TGFB2: variants seen among roughly 807,000 people sequenced by gnomAD.
TGFB2 encodes the protein transforming growth factor beta 2.
In TGFB2, 13 loss-of-function variants were observed where a neutral mutation model predicts 42.7. The ratio of observed to expected loss-of-function variants is 0.30; its 90% CI spans 0.20 to 0.48. TGFB2 has a LOEUF of 0.48. Among genes scored for constraint, TGFB2 ranks in the 20% least tolerant of loss-of-function variants. The pLI, the probability that TGFB2 is intolerant of heterozygous loss-of-function variation, is 0.99. For missense variants in TGFB2, 390 were observed against 517.5 expected, an observed-to-expected ratio of 0.75 and a Z score of 2.39; for synonymous variants, 193 against 193.6, an observed-to-expected ratio of 1.00 and a Z score of 0.03.
chr1:218,346,571 A>G lies in TGFB2; in HGVS notation c.-131A>G. 1.3e-6 allele frequency: 1 copy of G among 770,960 alleles called. No individual in the cohort carries two copies. The allele number at this position is 770,960 out of a possible 1,614,324, so 47.8% of individuals were successfully genotyped here. ...GTTGGGCATTGACTAGATTGTTTGC[A>G]AAAGTTTCGCATCAAAAACAACAAC... On this transcript the variant is annotated 5_prime_UTR_variant, in exon 1 of 7. Transcript: ENST00000366930. This position sits in a 1 kb window ranked among gnomAD's most constrained non-coding sequence, Gnocchi z 4.9.
chr1:218,404,421 C>A (rs1658838653), intron 1 of TGFB2, among the ~76,000 whole-genome samples: 1 of 152,154 alleles, frequency 6.6e-6, no homozygotes, highest in Non-Finnish European at 1.5e-5. Flanking sequence ...CCGTCCTTCC[C>A]AGAAGCTTTA....
intron 1 of TGFB2, among the ~76,000 whole-genome samples, chr1:218,366,188 C>G (rs545100556): frequency 2.0e-5 from 3 of 152,210 alleles, no homozygotes; most frequent in East Asian, 1.9e-4. Context: ...AGATAAGTCT[C>G]TCTATGAAGG....
intron 2 of TGFB2, among the ~76,000 whole-genome samples, chr1:218,415,162 C>T (rs573342016): frequency 8.2e-4 from 125 of 152,318 alleles, no homozygotes; most frequent in Middle Eastern, 3.4e-3. Context: ...ACTTCTAGCA[C>T]AGTATCTGTA....
intron 2 of TGFB2, among the ~76,000 whole-genome samples, chr1:218,432,364 C>G (rs1242431592): frequency 1.3e-5 from 2 of 152,170 alleles, no homozygotes; most frequent in African/African-American, 4.8e-5. Flanking sequence ...TCCACATTCT[C>G]TTCTTTTAGT....
chr1:218,363,504 A>G, intron 1 of TGFB2: 1 of 1,348,680 alleles, frequency 7.4e-7, no homozygotes, highest in African/African-American at 1.4e-5. Context: ...GGAACTTGCC[A>G]GAGGCAAGAT....
At chr1:218,347,903 T>A (rs1429201032) in intron 1 of TGFB2, among the ~76,000 whole-genome samples, 1 of 151,912 alleles carries the variant, frequency 6.6e-6, no homozygotes, top group Non-Finnish European at 1.5e-5. Flanking sequence ...CTTCAATGCA[T>A]TCCTAAAACT....
chr1:218,405,897 CA>C (rs1283049016), intron 2 of TGFB2, among the ~76,000 whole-genome samples: 1 of 152,116 alleles, frequency 6.6e-6, no homozygotes, highest in Non-Finnish European at 1.5e-5. Context: ...GTTGCATGAA[CA>C]GCTGGAGTAT....
chr1:218,350,984 C>T (rs1472491767), intron 1 of TGFB2, among the ~76,000 whole-genome samples: 1 of 152,204 alleles, frequency 6.6e-6, no homozygotes, highest in Non-Finnish European at 1.5e-5. Context: ...CCTGAAAAAT[C>T]ACAATGAGAT....
intron 2 of TGFB2, among the ~76,000 whole-genome samples, chr1:218,425,418 A>C (rs1217854830): frequency 6.6e-6 from 1 of 152,018 alleles, no homozygotes; most frequent in Non-Finnish European, 1.5e-5. Context: ...CGTGTTAGCC[A>C]GGATGGTCTT....
chr1:218,357,832 A>C (rs2102539908), intron 1 of TGFB2, among the ~76,000 whole-genome samples: 1 of 152,306 alleles, frequency 6.6e-6, no homozygotes, highest in Non-Finnish European at 1.5e-5. Context: ...GTTATTTCTG[A>C]AGAAGAGACG....
rs556257908 is a variant in TGFB2 at position 218,443,881 on chromosome 1, A to G, written c.*2519A>G. On this transcript the variant is annotated 3_prime_UTR_variant, in exon 7 of 7. Coordinates refer to ENST00000366930, the MANE Select transcript of TGFB2 (RefSeq NM_003238.6). ...ACAATTTGATCGTTGGCATGGTTAA[A>G]AAATGGAATATAAGATTAGCTGTTT... 6.6e-6 allele frequency: 1 copy of G among 152,150 alleles called. No homozygotes were observed. The highest frequency in any genetic ancestry group is 1.5e-5 in the Non-Finnish European group (1 of 68,016). The allele number at this position is 152,150 out of a possible 1,614,324, so 9.4% of individuals were successfully genotyped here.
intron 1 of TGFB2, among the ~76,000 whole-genome samples, chr1:218,375,875 A>T (rs1257948265): frequency 2.0e-5 from 3 of 152,194 alleles, no homozygotes; most frequent in African/African-American, 4.8e-5. Flanking sequence ...ACGTTTACCT[A>T]TGTAACAAAC....
In TGFB2 at chr1:218,399,039, T is replaced by C. The variant is rs184678952; in HGVS notation, c.347-6130T>C. ...GTGGGAGTTACAGGCACATGCCACA[T>C]CACCCAGCTAATTTTTTATTTTTTA... On this transcript the variant is annotated intron_variant, in intron 1 of 6. Coordinates refer to ENST00000366930, the MANE Select transcript of TGFB2 (RefSeq NM_003238.6). 2.0e-5 allele frequency among the ~76,000 whole-genome samples: 3 copies of C among 152,240 alleles called. No homozygotes were observed. The East Asian group carries it at 5.8e-4, about 29-fold the overall frequency.
intron 1 of TGFB2, among the ~76,000 whole-genome samples, chr1:218,348,941 T>A (rs1656783063): frequency 6.6e-6 from 1 of 152,196 alleles, no homozygotes; most frequent in Non-Finnish European, 1.5e-5. Flanking sequence ...AAGAGGGCAT[T>A]AGTTCTTTGT....
At chr1:218,377,305 G>T (rs1657775494) in intron 1 of TGFB2, among the ~76,000 whole-genome samples, 1 of 152,212 alleles carries the variant, frequency 6.6e-6, no homozygotes, top group Non-Finnish European at 1.5e-5. Flanking sequence ...TCTTTAGCTG[G>T]TACAGGACAG....
intron 1 of TGFB2, among the ~76,000 whole-genome samples, chr1:218,352,012 G>A (rs1363644624): frequency 6.6e-6 from 1 of 152,126 alleles, no homozygotes; most frequent in Non-Finnish European, 1.5e-5. Flanking sequence ...TAGAAGGTTC[G>A]AGAAATTAGA....
chr1:218,410,910 T>A (rs896299588), intron 2 of TGFB2, among the ~76,000 whole-genome samples: 1 of 152,206 alleles, frequency 6.6e-6, no homozygotes, highest in African/African-American at 2.4e-5. Flanking sequence ...GTTGAACATC[T>A]TCTATATGGG....
intron 1 of TGFB2, among the ~76,000 whole-genome samples, chr1:218,356,998 G>A (rs1346409133): frequency 6.6e-6 from 1 of 151,848 alleles, no homozygotes; most frequent in Non-Finnish European, 1.5e-5. Context: ...GATCACCTGG[G>A]GTCAGGAGTT....
Position 218,436,002 on chromosome 1 carries a change from G to T in TGFB2, c.787G>T (p.Asp263Tyr). The change falls in exon 5 of 7, where the codon GAT becomes TAT. Residue 263 changes from aspartate to tyrosine, a missense_variant. Coordinates refer to ENST00000366930, the MANE Select transcript of TGFB2 (RefSeq NM_003238.6). The part of the protein sequence containing the change: ...IDGTSTYTSG[D>Y]QKTIKSTRKK... Reference sequence around the variant, plus strand: ...TGGCACCTCCACATATACCAGTGGTGATCAGAAAACTATAAAGTCCACTAG... The same window carrying T: ...TGGCACCTCCACATATACCAGTGGTTATCAGAAAACTATAAAGTCCACTAG... 6.2e-7 allele frequency: 1 copy of T among 1,613,842 alleles called. No homozygotes were observed. The highest frequency in any genetic ancestry group is 8.5e-7 in the Non-Finnish European group (1 of 1,179,904).
Sources: gnomAD v4.1 joint callset for allele counts (sites outside exome capture counted in the v4.1 genomes callset) on GRCh38, gnomAD v4.1.1 for gene constraint, Gnocchi (gnomAD v3.1) non-coding constraint, MANE v1.5 for transcripts, NCBI Gene and HGNC (gene_info 2026-07-23, HGNC 2026-07-21) for gene names.